The following COL25A1 variants were observed in gnomAD, a reference collection of about 807,000 sequenced individuals.
The protein encoded by COL25A1 is collagen type XXV alpha 1 chain, also known as collagen alpha-1(XXV) chain.
Under a neutral mutation model 128.4 loss-of-function variants are expected in COL25A1, and 103 were observed. The ratio of observed to expected loss-of-function variants is 0.80; its 90% confidence interval spans 0.68 to 0.94. The LOEUF is 0.94. Among genes scored for constraint, COL25A1 ranks in the 40% least tolerant of loss-of-function variants. COL25A1 has a pLI of 0.00. For synonymous variants in COL25A1, 279 were observed against 277.2 expected (o/e 1.01, Z -0.06); for missense variants, 745 against 840.0 (o/e 0.89, Z 1.40).
chr4:109,164,151 C>T (rs1772846993), intron 3 of COL25A1, among the ~76,000 whole-genome samples: 1 of 151,980 alleles, frequency 6.6e-6, no homozygotes, highest in African/African-American at 2.4e-5. Context: ...GTGGGCCTGG[C>T]TTGTGCACAC....
At chr4:109,222,225 T>C (rs145333848) in intron 3 of COL25A1, among the ~76,000 whole-genome samples, 13,123 of 151,754 alleles carry the variant, frequency 0.086, 1,177 homozygotes, top group African/African-American at 0.23. Flanking sequence ...CACCACATCC[T>C]GCTAATTTTT....
chr4:108,974,646 T>G, intron 6 of COL25A1, 87 bp from the exon 7 acceptor site: 1 of 1,117,028 alleles, frequency 9.0e-7, no homozygotes, highest in Non-Finnish European at 1.3e-6. Flanking sequence ...AAAGATTCAT[T>G]CAAAGAATAC....
chr4:109,260,744 C>T (rs1781391212), intron 3 of COL25A1, among the ~76,000 whole-genome samples: 1 of 152,168 alleles, frequency 6.6e-6, no homozygotes, highest in South Asian at 2.1e-4. Context: ...AATCCGCATG[C>T]CTCGGCCTCC....
chr4:108,938,631 C>A (rs373825248), intron 10 of COL25A1, among the ~76,000 whole-genome samples: 4 of 152,132 alleles, frequency 2.6e-5, no homozygotes, highest in Admixed American at 6.6e-5. Flanking sequence ...CCGAGGTGGG[C>A]AGATCACGAG....
At chr4:109,114,546 G>A (rs1348047249) in intron 3 of COL25A1, among the ~76,000 whole-genome samples, 1 of 152,064 alleles carries the variant, frequency 6.6e-6, no homozygotes, top group Non-Finnish European at 1.5e-5. Flanking sequence ...TGCCATGTAG[G>A]ACCAGGGAGC....
chr4:109,179,560 A>G (rs1346706478), intron 3 of COL25A1, among the ~76,000 whole-genome samples: 4 of 152,236 alleles, frequency 2.6e-5, no homozygotes. Flanking sequence ...ATCTATCTCA[A>G]TTTGTTTTAA....
At chr4:109,001,384 A>ATCCTGTCAGGTAGGCATCTGAGC (rs1360854750) in intron 6 of COL25A1, among the ~76,000 whole-genome samples, 5 of 152,188 alleles carry the variant, frequency 3.3e-5, no homozygotes, top group Admixed American at 1.3e-4. Context: ...GGCATCTGAG[A>ATCCTGTCAGGTAGGCATCTGAGC]TCCTGTCAGG....
At chr4:109,227,097 G>C (rs1203539242) in intron 3 of COL25A1, among the ~76,000 whole-genome samples, 5 of 152,172 alleles carry the variant, frequency 3.3e-5, no homozygotes, top group Non-Finnish European at 7.3e-5. Context: ...TATGTAGTAA[G>C]AGTCAAGATC....
intron 23 of COL25A1, among the ~76,000 whole-genome samples, chr4:108,860,492 T>C (rs955066066): frequency 1.3e-5 from 2 of 152,086 alleles, no homozygotes; most frequent in South Asian, 2.1e-4. Context: ...GAACAAACAA[T>C]AGAATACATG....
In COL25A1 at chr4:108,956,490, C is replaced by G. The variant is rs1204675624; in HGVS notation, c.493-15053G>C. Among the ~76,000 whole-genome samples the G allele has an allele frequency of 2.0e-5, 3 of 152,206 alleles. No individual in the cohort carries two copies. The East Asian group carries it at 5.8e-4, about 29-fold the overall frequency. Reference sequence around the variant, plus strand: ...GCGCAATCTTTGCTCACTGCAAACTCCACCTCCCAGGTTCAAGTGATTCTC... The same window carrying G: ...GCGCAATCTTTGCTCACTGCAAACTGCACCTCCCAGGTTCAAGTGATTCTC... On this transcript the variant is annotated intron_variant, in intron 8 of 37. Coordinates refer to ENST00000399132, the MANE Select transcript of COL25A1 (RefSeq NM_198721.4).
intron 5 of COL25A1, among the ~76,000 whole-genome samples, chr4:109,013,481 C>CTCCCACACTGTGTAGGCTTTG: frequency 1.8e-5 from 1 of 56,510 alleles, no homozygotes; most frequent in South Asian, 5.9e-4. Flanking sequence ...CTCGAGTCCC[C>CTCCCACACTGTGTAGGCTTTG]TTCCACACTG....
Position 109,095,340 on chromosome 4 carries a change from ATAAATGTAAT to A in COL25A1, c.368-45171_368-45162del, listed in dbSNP as rs1765299482. ...AGCTTTCTTTAGAACAAAGTAGATG[ATAAATGTAAT>A]TCTCTTATCAAAATATACTGGTGTT... is the stretch of plus-strand genomic sequence containing the variant. On this transcript the variant is annotated intron_variant, in intron 3 of 37. Transcript: ENST00000399132. Among the ~76,000 whole-genome samples, 4 of 152,360 alleles carry A rather than the reference ATAAATGTAAT, an allele frequency of 2.6e-5. No homozygotes were observed. In the South Asian group the frequency reaches 8.3e-4, roughly 32 times the overall value.
intron 5 of COL25A1, among the ~76,000 whole-genome samples, chr4:109,023,011 G>A (rs1011055726): frequency 5.9e-5 from 9 of 152,196 alleles, no homozygotes; most frequent in Admixed American, 4.6e-4. Context: ...TCACCATAAC[G>A]AAAAAGCCTG....
At chr4:109,030,906 C>T (rs1579143327) in intron 5 of COL25A1, among the ~76,000 whole-genome samples, 2 of 152,050 alleles carry the variant, frequency 1.3e-5, no homozygotes, top group Middle Eastern at 6.8e-3. Context: ...GCCTGGCTAA[C>T]GTTTTGTATT....
chr4:108,908,662 A>T (rs1229599444), intron 13 of COL25A1, among the ~76,000 whole-genome samples: 1 of 152,190 alleles, frequency 6.6e-6, no homozygotes. Context: ...GACAGAGCCA[A>T]TTTATCAAGA....
chr4:108,853,136 A>G (rs534007537), intron 24 of COL25A1, among the ~76,000 whole-genome samples: 6 of 152,286 alleles, frequency 3.9e-5, no homozygotes, highest in African/African-American at 1.4e-4. Context: ...ATCCTATTTA[A>G]AAAATCTATG....
chr4:109,125,561 C>T (rs907878904), intron 3 of COL25A1, among the ~76,000 whole-genome samples: 4 of 152,138 alleles, frequency 2.6e-5, no homozygotes, highest in Non-Finnish European at 4.4e-5. Flanking sequence ...AACATTTCTT[C>T]GCTTCATTTC....
intron 3 of COL25A1, among the ~76,000 whole-genome samples, chr4:109,147,025 G>C (rs984882695): frequency 6.6e-6 from 1 of 152,156 alleles, no homozygotes; most frequent in Non-Finnish European, 1.5e-5. Flanking sequence ...TGTGGACCTA[G>C]GGAGGATCAA....
chr4:109,146,646 A>C (rs1172912457), intron 3 of COL25A1, among the ~76,000 whole-genome samples: 2 of 152,214 alleles, frequency 1.3e-5, no homozygotes, highest in East Asian at 1.9e-4. Flanking sequence ...TAGCTTCAAA[A>C]CAGCAACTGA....
Sources: allele counts gnomAD v4.1 joint callset (sites outside exome capture counted in the v4.1 genomes callset), GRCh38; gene constraint gnomAD v4.1.1; transcripts MANE v1.5; gene names NCBI Gene and HGNC (gene_info 2026-07-23, HGNC 2026-07-21).